PRKG1: variants seen among roughly 807,000 people sequenced by gnomAD.
PRKG1 encodes the protein protein kinase cGMP-dependent 1.
PRKG1 carries 35 observed loss-of-function variants against 88.1 expected under a neutral mutation model. That is an observed-to-expected ratio of 0.40 (90% confidence interval 0.30 to 0.53). PRKG1 has a LOEUF of 0.53. Ranked by LOEUF, PRKG1 falls within the 20% of genes least tolerant of loss-of-function variation. The probability of loss-of-function intolerance (pLI) is 0.59; values close to 1 mark genes in which losing one functional copy is unlikely to be tolerated. For missense variants in PRKG1, 540 were observed against 839.8 expected (o/e 0.64, Z 4.41); for synonymous variants, 303 against 292.5 (o/e 1.04, Z -0.37).
intron 5 of PRKG1, among the ~76,000 whole-genome samples, chr10:51,956,073 C>T (rs1416013969): frequency 6.6e-6 from 1 of 152,032 alleles, no homozygotes; most frequent in East Asian, 1.9e-4. Context: ...AAACATGTTT[C>T]TTTAAGGAAC....
chr10:50,991,292 G>A lies in PRKG1; in HGVS notation c.-87G>A. 3 of 1,431,676 alleles carry A rather than the reference G, an allele frequency of 2.1e-6. No individual in the cohort carries two copies. Among genetic ancestry groups the A allele is most frequent in the South Asian group, 1.4e-5 (1 of 72,486 alleles). 88.7% of individuals were successfully genotyped at this position (1,431,676 alleles called of 1,614,324 possible). On this transcript the variant is annotated 5_prime_UTR_variant, in exon 1 of 18. Transcript: ENST00000401604. The surrounding 1 kb of genome is among the most constrained non-coding windows in gnomAD (Gnocchi z 4.5). ...ATTCACTCGCTCACCCGCGCTCTCC[G>A]CTGCCGGCTGCCGTCCCAGCCGCCG...
intron 3 of PRKG1, among the ~76,000 whole-genome samples, chr10:51,659,938 C>T (rs574185171): frequency 2.6e-5 from 4 of 151,934 alleles, no homozygotes; most frequent in South Asian, 2.1e-4. Context: ...AGCAGTATTT[C>T]GACCCCACTC....
intron 5 of PRKG1, among the ~76,000 whole-genome samples, chr10:52,024,093 G>A (rs896525782): frequency 6.6e-6 from 1 of 152,010 alleles, no homozygotes; most frequent in Non-Finnish European, 1.5e-5. Context: ...TTTTGTATAA[G>A]GTGTGAGGAA....
chr10:51,859,648 T>C (rs1840817832), intron 4 of PRKG1, among the ~76,000 whole-genome samples: 1 of 152,194 alleles, frequency 6.6e-6, no homozygotes, highest in Admixed American at 6.5e-5. Flanking sequence ...TACAGCATGC[T>C]ACTTTTATCA....
chr10:51,154,976 G>A (rs1451235321), intron 2 of PRKG1, among the ~76,000 whole-genome samples: 1 of 151,924 alleles, frequency 6.6e-6, no homozygotes, highest in Admixed American at 6.6e-5. Context: ...TAGAAACCAC[G>A]TTTAAAGCAC....
intron 5 of PRKG1, among the ~76,000 whole-genome samples, chr10:52,019,878 T>C (rs117337445): frequency 1.3e-5 from 2 of 152,278 alleles, no homozygotes; most frequent in Non-Finnish European, 2.9e-5. Context: ...TGAATAGCCT[T>C]AGGCAGGGGT....
intron 5 of PRKG1, among the ~76,000 whole-genome samples, chr10:51,971,509 T>C (rs1843713414): frequency 6.6e-6 from 1 of 152,110 alleles, no homozygotes. Context: ...AGGCAGTTTC[T>C]CTTTTTTTAT....
chr10:51,996,643 G>A (rs548033797), intron 5 of PRKG1, among the ~76,000 whole-genome samples: 1 of 151,940 alleles, frequency 6.6e-6, no homozygotes, highest in South Asian at 2.1e-4. Flanking sequence ...ATAAGTATTG[G>A]CAAAGATGCA....
intron 2 of PRKG1, among the ~76,000 whole-genome samples, chr10:51,462,775 T>C (rs554391159): frequency 1.2e-4 from 19 of 152,342 alleles, no homozygotes; most frequent in Admixed American, 1.1e-3. Context: ...TAGCCAACTG[T>C]TTCAAATCTT....
intron 3 of PRKG1, among the ~76,000 whole-genome samples, chr10:51,490,979 C>T (rs1020203260): frequency 1.3e-5 from 2 of 151,962 alleles, no homozygotes; most frequent in Admixed American, 1.3e-4. Flanking sequence ...AAGGAACACC[C>T]CAATATGAAA....
At chr10:52,216,079 T>C (rs569583596) in intron 9 of PRKG1, among the ~76,000 whole-genome samples, 1 of 152,334 alleles carries the variant, frequency 6.6e-6, no homozygotes, top group African/African-American at 2.4e-5. Context: ...ATAAATTTAC[T>C]GAAGTAAGAA....
chr10:51,508,745 A>G (rs1162168699), intron 3 of PRKG1, among the ~76,000 whole-genome samples: 1 of 152,258 alleles, frequency 6.6e-6, no homozygotes, highest in Non-Finnish European at 1.5e-5. Flanking sequence ...ATTCAATGTG[A>G]TTGAAAAGCA....
intron 5 of PRKG1, among the ~76,000 whole-genome samples, chr10:51,988,795 C>T (rs1178926385): frequency 2.0e-5 from 3 of 151,940 alleles, no homozygotes; most frequent in African/African-American, 7.2e-5. Context: ...TTTTCACCCT[C>T]TTTATAGCTT....
At chr10:52,271,718 T>TA (rs1466229322) in intron 11 of PRKG1, among the ~76,000 whole-genome samples, 1 of 152,136 alleles carries the variant, frequency 6.6e-6, no homozygotes, top group Non-Finnish European at 1.5e-5. Context: ...CCAAAGGAGG[T>TA]ACCAGAGTTT....
chr10:51,305,738 T>C (rs1347139528), intron 2 of PRKG1, among the ~76,000 whole-genome samples: 6 of 152,224 alleles, frequency 3.9e-5, no homozygotes, highest in African/African-American at 1.4e-4. Context: ...TTGTTTTGAC[T>C]GTTCAAAAGT....
chr10:51,222,524 G>A (rs1195798624), intron 2 of PRKG1, among the ~76,000 whole-genome samples: 2 of 151,928 alleles, frequency 1.3e-5, no homozygotes, highest in Non-Finnish European at 2.9e-5. Context: ...CCTTTCTTTA[G>A]CAAAACCGCC....
intron 4 of PRKG1, among the ~76,000 whole-genome samples, chr10:51,893,116 T>C (rs1357844846): frequency 6.6e-6 from 1 of 152,108 alleles, no homozygotes; most frequent in African/African-American, 2.4e-5. Context: ...TAATAAAGTG[T>C]GTGATTAGTG....
chr10:51,669,042 G>A lies in PRKG1; in HGVS notation c.593-135543G>A, dbSNP rs75412235. Reference sequence around the variant, plus strand: ...TAATCTGAGCTGTTCACGCTAATTCGCCATCCCAATTTTTTAAAATAAAAC... The same window carrying A: ...TAATCTGAGCTGTTCACGCTAATTCACCATCCCAATTTTTTAAAATAAAAC... On this transcript the variant is annotated intron_variant, in intron 3 of 17. Coordinates refer to ENST00000373980, the MANE Select transcript of PRKG1 (RefSeq NM_006258.4). 3.4e-4 allele frequency among the ~76,000 whole-genome samples: 51 copies of A among 152,084 alleles called. No individual in the cohort carries two copies. In the East Asian group the frequency reaches 6.6e-3, roughly 20 times the overall value.
At chr10:51,968,219 T>C (rs1404872731) in intron 5 of PRKG1, among the ~76,000 whole-genome samples, 2 of 152,116 alleles carry the variant, frequency 1.3e-5, no homozygotes, top group South Asian at 2.1e-4. Context: ...ACGCTGAAGA[T>C]GGACAGGCAC....
Sources: allele counts gnomAD v4.1 joint callset (sites outside exome capture counted in the v4.1 genomes callset), GRCh38; gene constraint gnomAD v4.1.1; non-coding constraint Gnocchi (gnomAD v3.1); transcripts MANE v1.5; gene names NCBI Gene and HGNC (gene_info 2026-07-23, HGNC 2026-07-21).